Variants in SPTBN4 observed in about 807,000 individuals in gnomAD.
The protein encoded by SPTBN4 is spectrin beta chain, non-erythrocytic 4.
In SPTBN4, 96 loss-of-function variants were observed where a neutral mutation model predicts 277.8. That is an observed-to-expected ratio of 0.35 (90% CI 0.29 to 0.41). The LOEUF is 0.41. Among genes scored for constraint, SPTBN4 ranks in the 10% least tolerant of loss-of-function variants. SPTBN4 has a pLI of 1.00. For missense variants in SPTBN4, 3,006 were observed against 3,595.7 expected (o/e 0.84, Z 4.19); for synonymous variants, 1,481 against 1,580.3 (o/e 0.94, Z 1.49).
rs1293344276 is a variant in SPTBN4 at position 40,502,923 on chromosome 19, T to C, written c.1352T>C (p.Leu451Pro). 6.2e-7 allele frequency: 1 copy of C among 1,613,542 alleles called. No individual in the cohort carries two copies. ...AGCTGGCTGAATGAGAACCAGCGTCTGGTCTCCCAGGTACAAGGTGTAGGG... is the reference window on the plus strand; with the variant it reads ...AGCTGGCTGAATGAGAACCAGCGTCCGGTCTCCCAGGTACAAGGTGTAGGG... Reference protein sequence around the residue: ...RESWLNENQRLVSQDNFGYEL... With the variant: ...RESWLNENQRPVSQDNFGYEL... The change falls in exon 11 of 36, where the codon CTG (leucine) becomes CCG (proline). Residue 451 changes from leucine (L) to proline (P), a missense_variant. Leu to Pro is a moderately conservative substitution (Grantham distance 98, BLOSUM62 -3). This residue lies in a region of SPTBN4 where 1,759 missense variants were observed against 2,061.5 expected (regional missense o/e 0.85). Coordinates refer to ENST00000598249, the MANE Select transcript of SPTBN4 (RefSeq NM_020971.3). The surrounding 1 kb of genome is among the most constrained non-coding windows in gnomAD (Gnocchi z 4.9).
chr19:40,540,565 A>G (rs1484179022), intron 20 of SPTBN4, among the ~76,000 whole-genome samples: 1 of 151,976 alleles, frequency 6.6e-6, no homozygotes, highest in Non-Finnish European at 1.5e-5. Context: ...TAAAAAAGCA[A>G]CATGGATGAT....
Position 40,567,768 on chromosome 19 carries a change from C to T in SPTBN4, c.6442C>T (p.Leu2148=). Residue 2148 remains leucine, a synonymous_variant, in exon 31 of 36, where the codon CTG becomes TTG. Transcript: ENST00000598249. The stretch of plus-strand genomic sequence containing the variant: ...ACTGGCGGCCAAGGCGGCGCCCCTG[C>T]TGCGGCCAGGGGGCTATGAAAGGGG... ...TELAAKAAPL[L]RPGGYERGLE... The T allele has an allele frequency of 2.6e-6, 4 of 1,536,688 alleles. No individual in the cohort carries two copies. Among genetic ancestry groups the T allele is most frequent in the Non-Finnish European group, 3.5e-6 (4 of 1,141,818 alleles).
intron 18 of SPTBN4, among the ~76,000 whole-genome samples, chr19:40,531,693 GGC>G (rs1377469961): frequency 1.3e-5 from 2 of 151,538 alleles, no homozygotes; most frequent in Non-Finnish European, 2.9e-5. Context: ...CCGTGAGAGG[GGC>G]CCACTCTTGG....
rs549572190 is a variant in SPTBN4 at position 40,555,907 on chromosome 19, A to T, written c.5085-177A>T. Among the ~76,000 whole-genome samples, 7 of 143,356 alleles carry T rather than the reference A, an allele frequency of 4.9e-5. No individual in the cohort carries two copies. The East Asian group carries it at 1.4e-3, about 28-fold the overall frequency. 94.0% of individuals were successfully genotyped at this position (143,356 alleles called of 152,430 possible). The stretch of plus-strand genomic sequence containing the variant: ...ACTCCAGCCTGAGCAACAGAGCAAG[A>T]CCCTGTCTCCAAAAAAAAAGAAAAA... On this transcript the variant is annotated intron_variant, in intron 24 of 35. Coordinates refer to ENST00000598249, the MANE Select transcript of SPTBN4 (RefSeq NM_020971.3).
At chr19:40,524,377 C>T (rs974167634) in intron 17 of SPTBN4, among the ~76,000 whole-genome samples, 1 of 151,038 alleles carries the variant, frequency 6.6e-6, no homozygotes, top group South Asian at 2.1e-4. Context: ...CGTGGTGATG[C>T]GTGCCTGTAG....
In SPTBN4 at chr19:40,515,454, A is replaced by AGG; in HGVS notation, c.2903+8_2903+9dup. 5 of 1,550,500 alleles carry AGG rather than the reference A, an allele frequency of 3.2e-6. No individual in the cohort carries two copies. Among genetic ancestry groups the AGG allele is most frequent in the Non-Finnish European group, 4.4e-6 (5 of 1,146,962 alleles). On this transcript the variant is annotated splice_region_variant and intron_variant, in intron 15 of 35. Transcript: ENST00000598249. The surrounding 1 kb of genome is among the most constrained non-coding windows in gnomAD (Gnocchi z 4.1). ...CAGGACCACCTCAACAGCAGGTAGG[A>AGG]GGGCCTGGGGCTGGGAGTCCCTCCC...
In SPTBN4 at chr19:40,565,495, T is replaced by C. The variant is rs1318080346; in HGVS notation, c.5988T>C (p.Pro1996=). 1.2e-6 allele frequency: 2 copies of C among 1,614,110 alleles called. No individual in the cohort carries two copies. The highest frequency in any genetic ancestry group is 1.7e-6 in the Non-Finnish European group (2 of 1,180,002). ...GLKTELEARV[P]ELTTCQELGR... ...AGACTGAGCTGGAGGCGCGGGTGCC[T>C]GAGCTGACCACCTGCCAGGAGCTGG... The change falls in exon 28 of 36, where the codon CCT becomes CCC. Residue 1996 remains proline (P), a synonymous_variant. Coordinates refer to ENST00000598249, the MANE Select transcript of SPTBN4 (RefSeq NM_020971.3).
In SPTBN4 at chr19:40,554,699, T is replaced by C; in HGVS notation, c.5084+53T>C. ...GAATGGTCCAGCAGGACCTGAAGCT[T>C]CGCTGTTGGGAGTTGGCGCAGCGCT... On this transcript the variant is annotated intron_variant, in intron 24 of 35. Coordinates refer to ENST00000598249, the MANE Select transcript of SPTBN4 (RefSeq NM_020971.3). The surrounding 1 kb of genome is among the most constrained non-coding windows in gnomAD (Gnocchi z 5.7). The C allele has an allele frequency of 1.3e-6, 2 of 1,576,506 alleles. No homozygotes were observed. The highest frequency in any genetic ancestry group is 1.7e-6 in the Non-Finnish European group (2 of 1,162,022).
intron 20 of SPTBN4, among the ~76,000 whole-genome samples, chr19:40,544,440 CTTTTT>C (rs3071333): frequency 1.9e-5 from 1 of 51,746 alleles, no homozygotes; most frequent in Admixed American, 2.9e-4. Context: ...TTGTGCCCGG[CTTTTT>C]TTTTTTTTTT....
chr19:40,513,536 T>G lies in SPTBN4; in HGVS notation c.2747T>G (p.Val916Gly). 6.3e-7 allele frequency: 1 copy of G among 1,583,424 alleles called. No homozygotes were observed. Among genetic ancestry groups the G allele is most frequent in the Non-Finnish European group, 8.5e-7 (1 of 1,170,048 alleles). The change falls in exon 14 of 36, where the codon GTC (valine) becomes GGC (glycine). Residue 916 changes from valine (V) to glycine (G), a missense_variant. Transcript: ENST00000598249. ...CGTGTGCCGGATTCACTCGACGACG[T>G]CGAGGTGGTGCAGCACCGGTGAGCG... Reference protein sequence around the residue: ...SMRVPDSLDDVEVVQHRFESL... With the variant: ...SMRVPDSLDDGEVVQHRFESL...
intron 20 of SPTBN4, among the ~76,000 whole-genome samples, chr19:40,545,885 C>T (rs1157475604): frequency 2.0e-5 from 3 of 151,430 alleles, no homozygotes; most frequent in African/African-American, 7.3e-5. Context: ...ACTAAAAATA[C>T]AAAAAAAATT....
At chr19:40,471,747 AT>A (rs1450169385) in intron 1 of SPTBN4, among the ~76,000 whole-genome samples, 1 of 151,410 alleles carries the variant, frequency 6.6e-6, no homozygotes, top group African/African-American at 2.4e-5. Context: ...TAATTTTTAA[AT>A]TTTTTTAAAA....
Position 40,502,807 on chromosome 19 carries a change from G to A in SPTBN4, c.1236G>A (p.Glu412=). ...AWGELEKAEH[E]REAALRAELI... ...GTGAGCTGGAGAAGGCTGAGCATGAGCGGGAGGCTGCCCTACGGGCTGAGC... is the reference window on the plus strand; with the variant it reads ...GTGAGCTGGAGAAGGCTGAGCATGAACGGGAGGCTGCCCTACGGGCTGAGC... The change falls in exon 11 of 36, where the codon GAG becomes GAA. Residue 412 remains glutamate, a synonymous_variant. Transcript: ENST00000598249. The surrounding 1 kb of genome is among the most constrained non-coding windows in gnomAD (Gnocchi z 4.9). 8 of 1,613,984 alleles carry A rather than the reference G, an allele frequency of 5.0e-6. No homozygotes were observed. The highest frequency in any genetic ancestry group is 1.7e-5 in the Admixed American group (1 of 60,010).
chr19:40,523,485 G>C lies in SPTBN4; in HGVS notation c.3703G>C (p.Glu1235Gln). 1 of 1,613,502 alleles carries C rather than the reference G, an allele frequency of 6.2e-7. No homozygotes were observed. ...AELPGTVESV[E>Q]EALKQHRDFL... The stretch of plus-strand genomic sequence containing the variant: ...GCTCCCGGGCACAGTGGAATCGGTG[G>C]AGGAGGCCTTGAAACAGCACCGTGA... Residue 1235 changes from glutamate to glutamine, a missense_variant, in exon 17 of 36, where the codon GAG becomes CAG. Physicochemically the swap from Glu to Gln is conservative, Grantham distance 29 (BLOSUM62 2). Transcript: ENST00000598249.
In SPTBN4 at chr19:40,523,592, C is replaced by T. The variant is rs779635542; in HGVS notation, c.3810C>T (p.Asn1270=). ...CAGAGGGCCTGCTGAGGCAGGGCAA[C>T]ATCTACGGGGAGCAGGCTCAGGAGG... ...QAAEGLLRQG[N]IYGEQAQEAV... is the part of the protein sequence containing the mutation. Residue 1270 remains asparagine (N), a synonymous_variant, in exon 17 of 36, where the codon AAC becomes AAT. Coordinates refer to ENST00000598249, the MANE Select transcript of SPTBN4 (RefSeq NM_020971.3). 2.4e-5 allele frequency: 38 copies of T among 1,613,940 alleles called. No homozygotes were observed. The highest frequency in any genetic ancestry group is 2.9e-5 in the Non-Finnish European group (34 of 1,179,974).
chr19:40,533,780 C>T (rs1195983787), intron 19 of SPTBN4, among the ~76,000 whole-genome samples: 1 of 152,068 alleles, frequency 6.6e-6, no homozygotes, highest in Non-Finnish European at 1.5e-5. Flanking sequence ...GTTTGTCTCT[C>T]CCTGACTCCT....
intron 5 of SPTBN4, among the ~76,000 whole-genome samples, chr19:40,493,767 TAAAAA>T (rs1203734234): frequency 1.3e-5 from 2 of 151,948 alleles, no homozygotes; most frequent in Non-Finnish European, 2.9e-5. Flanking sequence ...AACAAATAAA[TAAAAA>T]TAAAATAGAA....
intron 30 of SPTBN4, 48 bp from the exon 31 acceptor site, chr19:40,567,615 C>T (rs1392228275): frequency 7.1e-6 from 10 of 1,408,580 alleles, no homozygotes; most frequent in Non-Finnish European, 8.4e-6. Flanking sequence ...CCCCTTACCC[C>T]GCCCCGGCCC....
chr19:40,491,489 C>A (rs554340939), intron 4 of SPTBN4, among the ~76,000 whole-genome samples: 5 of 152,182 alleles, frequency 3.3e-5, no homozygotes, highest in African/African-American at 1.2e-4. Context: ...TGCCCATAAT[C>A]CCAGCACTTT....
Sources: allele counts gnomAD v4.1 joint callset (sites outside exome capture counted in the v4.1 genomes callset), GRCh38; gene constraint gnomAD v4.1.1; regional missense constraint gnomAD v4.1.1; non-coding constraint Gnocchi (gnomAD v3.1); transcripts MANE v1.5; gene names NCBI Gene and HGNC (gene_info 2026-07-23, HGNC 2026-07-21).